Variants in OPCML observed in about 807,000 individuals in gnomAD.
OPCML encodes opioid binding protein/cell adhesion molecule like, also known as opioid-binding protein/cell adhesion molecule.
A neutral mutation model predicts 37.8 loss-of-function variants in OPCML; 13 were observed. That is an observed-to-expected ratio of 0.34 (90% CI 0.22 to 0.55). The LOEUF is 0.55. Among genes scored for constraint, OPCML ranks in the 20% least tolerant of loss-of-function variants. The pLI is 0.91. For synonymous variants in OPCML, 176 were observed against 168.8 expected, an observed-to-expected ratio of 1.04 and a Z score of -0.33; for missense variants, 341 against 435.6, an observed-to-expected ratio of 0.78 and a Z score of 1.93.
chr11:132,678,516 G>A (rs926724865), intron 2 of OPCML, among the ~76,000 whole-genome samples: 2 of 152,080 alleles, frequency 1.3e-5, no homozygotes, highest in Non-Finnish European at 2.9e-5. Flanking sequence ...GTAGGTGAGT[G>A]GATAAACTGC....
At chr11:132,859,039 ACTTCTCTCTGAAATATATTTC>A (rs1321112017) in intron 2 of OPCML, among the ~76,000 whole-genome samples, 2 of 152,094 alleles carry the variant, frequency 1.3e-5, no homozygotes, top group African/African-American at 4.8e-5. Flanking sequence ...TCTCAGTTGG[ACTTCTCTCTGAAATATATTTC>A]CTTTCTTCAT....
At chr11:132,463,770 A>G (rs1468734338) in intron 4 of OPCML, among the ~76,000 whole-genome samples, 1 of 152,234 alleles carries the variant, frequency 6.6e-6, no homozygotes, top group East Asian at 1.9e-4. Flanking sequence ...CTTTCTAAAA[A>G]TACATATTAT....
intron 2 of OPCML, among the ~76,000 whole-genome samples, chr11:132,714,470 T>C (rs1944391787): frequency 6.6e-6 from 1 of 152,178 alleles, no homozygotes; most frequent in Non-Finnish European, 1.5e-5. Context: ...TCTTCTACAG[T>C]AATTCAAGGA....
At chr11:133,141,038 ACGAC>A (rs1949808204) in intron 1 of OPCML, among the ~76,000 whole-genome samples, 2 of 29,214 alleles carry the variant, frequency 6.8e-5, no homozygotes, top group African/African-American at 1.3e-4. Flanking sequence ...GACGACGACG[ACGAC>A]GACGACGAAG....
chr11:132,504,794 T>C (rs2096252938), intron 4 of OPCML, among the ~76,000 whole-genome samples: 2 of 152,092 alleles, frequency 1.3e-5, no homozygotes, highest in Admixed American at 1.3e-4. Context: ...TGTGGCTGTA[T>C]GCTATGGTCA....
intron 2 of OPCML, among the ~76,000 whole-genome samples, chr11:132,869,955 C>T (rs374952908): frequency 6.6e-6 from 1 of 152,138 alleles, no homozygotes; most frequent in African/African-American, 2.4e-5. Flanking sequence ...AACAGTCAAA[C>T]ATCATCTATT....
chr11:133,251,578 G>C (rs572386420), intron 1 of OPCML, among the ~76,000 whole-genome samples: 1 of 144,900 alleles, frequency 6.9e-6, no homozygotes, highest in Admixed American at 6.9e-5. Context: ...TTCTTTTTTT[G>C]GGGGGGGGAG....
intron 1 of OPCML, among the ~76,000 whole-genome samples, chr11:133,072,147 T>C (rs117278293): frequency 0.01 from 1,559 of 151,544 alleles, 15 homozygotes; most frequent in Non-Finnish European, 0.018. Flanking sequence ...CGCTAATGAG[T>C]ACTGGTTTCT....
At chr11:133,488,681 T>A (rs1168243769) in intron 1 of OPCML, among the ~76,000 whole-genome samples, 1 of 152,068 alleles carries the variant, frequency 6.6e-6, no homozygotes, top group African/African-American at 2.4e-5. Flanking sequence ...GCAATCTTTA[T>A]CAAATTACCA....
At chr11:133,420,936 G>T (rs1945872982) in intron 1 of OPCML, 1 of 985,158 alleles carries the variant, frequency 1.0e-6, no homozygotes, top group Non-Finnish European at 1.2e-6. Flanking sequence ...GCTGATAATT[G>T]GTCTTGAAAA....
At chr11:133,018,749 G>T (rs1292957741) in intron 1 of OPCML, among the ~76,000 whole-genome samples, 1 of 152,184 alleles carries the variant, frequency 6.6e-6, no homozygotes, top group African/African-American at 2.4e-5. Flanking sequence ...AATGTGCCGG[G>T]GCACACAGCA....
At chr11:133,169,472 C>A (rs2137238055) in intron 1 of OPCML, among the ~76,000 whole-genome samples, 1 of 152,286 alleles carries the variant, frequency 6.6e-6, no homozygotes, top group South Asian at 2.1e-4. Context: ...CTTCAGAGAG[C>A]CAATTATTTC....
chr11:132,694,667 AG>A (rs1943539006), intron 2 of OPCML, among the ~76,000 whole-genome samples: 2 of 152,310 alleles, frequency 1.3e-5, no homozygotes, highest in South Asian at 4.2e-4. Flanking sequence ...GAGCTGTTGA[AG>A]GTGGTGACTG....
chr11:132,977,080 C>A (rs1946482165), intron 1 of OPCML, among the ~76,000 whole-genome samples: 1 of 152,210 alleles, frequency 6.6e-6, no homozygotes, highest in South Asian at 2.1e-4. Flanking sequence ...GAGCTTAATT[C>A]TCTCATTTAT....
intron 1 of OPCML, among the ~76,000 whole-genome samples, chr11:132,981,464 A>C (rs1359698670): frequency 6.6e-6 from 1 of 152,120 alleles, no homozygotes; most frequent in African/African-American, 2.4e-5. Context: ...TTGGGAGAAC[A>C]CTGAGGGATA....
At chr11:132,900,875 C>T (rs1591776318) in intron 2 of OPCML, among the ~76,000 whole-genome samples, 1 of 152,194 alleles carries the variant, frequency 6.6e-6, no homozygotes, top group East Asian at 1.9e-4. Flanking sequence ...TGCCATCTCA[C>T]TTCAGTTTGT....
At chr11:133,428,440 C>G (rs1946050152) in intron 1 of OPCML, among the ~76,000 whole-genome samples, 1 of 151,906 alleles carries the variant, frequency 6.6e-6, no homozygotes, top group Non-Finnish European at 1.5e-5. Context: ...CTTCAAAAAC[C>G]CAAGGAATAA....
At chr11:132,548,501 A>G (rs2096374051) in intron 3 of OPCML, among the ~76,000 whole-genome samples, 1 of 152,148 alleles carries the variant, frequency 6.6e-6, no homozygotes, top group African/African-American at 2.4e-5. Flanking sequence ...TTCCCTCTCA[A>G]TTAAATGGCA....
chr11:133,304,422 C>T (rs888713981), intron 1 of OPCML, among the ~76,000 whole-genome samples: 9 of 152,300 alleles, frequency 5.9e-5, no homozygotes, highest in East Asian at 1.9e-4. Flanking sequence ...CACTTCACAA[C>T]GATTCCATGA....
Sources: allele counts gnomAD v4.1 joint callset (sites outside exome capture counted in the v4.1 genomes callset), GRCh38; gene constraint gnomAD v4.1.1; transcripts MANE v1.5; gene names NCBI Gene and HGNC (gene_info 2026-07-23, HGNC 2026-07-21).